Variants in KRT78 observed in about 807,000 individuals in gnomAD.
KRT78 encodes the protein keratin 78, also known as keratin, type II cytoskeletal 78.
KRT78 carries 55 observed loss-of-function variants against 51.4 expected under a neutral mutation model. That is an observed-to-expected ratio of 1.07 (90% confidence interval 0.86 to 1.34). The LOEUF (loss-of-function observed/expected upper bound fraction) is 1.34. Ranked by LOEUF, KRT78 falls within the 40% of genes most tolerant of loss-of-function variation. KRT78 has a pLI of 0.00. For missense variants in KRT78, 652 were observed against 649.4 expected (o/e 1.00, Z -0.04); for synonymous variants, 291 against 264.3 (o/e 1.10, Z -0.98).
chr12:52,845,257 C>A (rs1037744549), intron 4 of KRT78, among the ~76,000 whole-genome samples: 7 of 152,126 alleles, frequency 4.6e-5, no homozygotes, highest in Admixed American at 1.3e-4. Flanking sequence ...CCACCTGCCT[C>A]AGCCTCCCAA....
At chr12:52,848,277 T>G (rs1940695033) in intron 1 of KRT78, 156 bp from the exon 2 acceptor site, 4 of 1,538,710 alleles carry the variant, frequency 2.6e-6, no homozygotes, top group Non-Finnish European at 3.5e-6. Flanking sequence ...TCCATGACAC[T>G]CTGAACACAA....
At position 52,839,959 on chromosome 12, in the gene KRT78, G is replaced by T; in HGVS notation, c.1073C>A (p.Thr358Asn). Residue 358 changes from threonine (T) to asparagine (N), a missense_variant, in exon 7 of 9, where the codon ACT (threonine) becomes AAT (asparagine). Thr to Asn is a moderately conservative substitution (Grantham distance 65). Coordinates refer to ENST00000304620, the MANE Select transcript of KRT78 (RefSeq NM_173352.4). ...KQNASLQAAI[T>N]DAEQRGELAL... Reference sequence around the variant, plus strand: ...CAGCTCCCCACGCTGCTCAGCATCAGTGATGGCGGCCTGCAGGCTGGCGTT... The same window carrying T: ...CAGCTCCCCACGCTGCTCAGCATCATTGATGGCGGCCTGCAGGCTGGCGTT... 1 of 1,613,370 alleles carries T rather than the reference G, an allele frequency of 6.2e-7. No homozygotes were observed. The highest frequency in any genetic ancestry group is 8.5e-7 in the Non-Finnish European group (1 of 1,179,388).
Position 52,848,057 on chromosome 12 carries a change from C to T in KRT78, c.449G>A (p.Gly150Glu), listed in dbSNP as rs767977993. Residue 150 changes from glycine (G) to glutamate (E), a missense_variant, in exon 2 of 9, where the codon GGG becomes GAG. Transcript: ENST00000304620. ...CAGGCCCTGCTGGCTGCCACTCAAC[C>T]CCTGTTGCTGCAGCAGATGCCACTT... is the stretch of plus-strand genomic sequence containing the variant. ...ETKWHLLQQQ[G>E]LSGSQQGLEP... 6.2e-7 allele frequency: 1 copy of T among 1,614,186 alleles called. No individual in the cohort carries two copies. Among genetic ancestry groups the T allele is most frequent in the South Asian group, 1.1e-5 (1 of 91,080 alleles).
rs569720846 is a variant in KRT78 at position 52,838,281 on chromosome 12, C to G, written c.*832G>C. The G allele has an allele frequency of 6.6e-6, 1 of 152,150 alleles. No individual in the cohort carries two copies. Among genetic ancestry groups the G allele is most frequent in the Non-Finnish European group, 1.5e-5 (1 of 68,072 alleles). 9.4% of individuals were successfully genotyped at this position (152,150 alleles called of 1,614,324 possible). On this transcript the variant is annotated 3_prime_UTR_variant, in exon 9 of 9. Coordinates refer to ENST00000304620, the MANE Select transcript of KRT78 (RefSeq NM_173352.4). ...TGATCCTTCCAGCCCCTCCTGGCAC[C>G]CCACCTGATTCCCACACTCCTGGCT...
At chr12:52,842,220 A>T (rs1315052529) in intron 6 of KRT78, among the ~76,000 whole-genome samples, 1 of 152,134 alleles carries the variant, frequency 6.6e-6, no homozygotes, top group Non-Finnish European at 1.5e-5. Flanking sequence ...AAGGGACCAC[A>T]TGTGACTTTT....
chr12:52,839,405 C>T, intron 8 of KRT78, 33 bp from the exon 9 acceptor site: 1 of 1,611,942 alleles, frequency 6.2e-7, no homozygotes, highest in African/African-American at 1.3e-5. Context: ...AGAGCAGGGT[C>T]ATCAGCTCCC....
At chr12:52,844,317 T>C in intron 5 of KRT78, 99 bp from the exon 6 acceptor site, 1 of 1,423,624 alleles carries the variant, frequency 7.0e-7, no homozygotes, top group Non-Finnish European at 9.5e-7. Context: ...TTATTTGGAG[T>C]GTGGGTTAAA....
In KRT78 at chr12:52,839,336, A is replaced by T; in HGVS notation, c.1340T>A (p.Val447Asp). 1.2e-6 allele frequency: 2 copies of T among 1,613,506 alleles called. No homozygotes were observed. The highest frequency in any genetic ancestry group is 1.7e-6 in the Non-Finnish European group (2 of 1,179,840). Residue 447 changes from valine to aspartate, a missense_variant, in exon 9 of 9, where the codon GTT (valine) becomes GAT (aspartate). Val to Asp is a radical substitution (Grantham distance 152). Transcript: ENST00000304620. ...ACAAGTGCTCCCCAAGCCTCCACCA[A>T]CTCCTCCAGACATGACAGCGCTGCC... ...VGGSAVMSGG[V>D]GGGLGSTCGL...
At chr12:52,843,154 G>A (rs1369127598) in intron 6 of KRT78, among the ~76,000 whole-genome samples, 3 of 150,764 alleles carry the variant, frequency 2.0e-5, no homozygotes, top group African/African-American at 7.3e-5. Flanking sequence ...ATCACTTGAG[G>A]TCAGGAGTTT....
intron 6 of KRT78, among the ~76,000 whole-genome samples, chr12:52,841,344 G>T (rs553707775): frequency 6.6e-6 from 1 of 151,832 alleles, no homozygotes; most frequent in African/African-American, 2.4e-5. Flanking sequence ...AAAATTAGCC[G>T]GGCATGGTGG....
chr12:52,846,357 A>G, intron 3 of KRT78, 65 bp from the exon 4 acceptor site: 2 of 1,025,194 alleles, frequency 2.0e-6, no homozygotes, highest in South Asian at 1.3e-5. Context: ...ACTCTGGCTC[A>G]GGAATTCTGT....
At position 52,839,434 on chromosome 12, in the gene KRT78, A is replaced by G; in HGVS notation, c.1303+19T>C. The G allele has an allele frequency of 6.2e-7, 1 of 1,610,414 alleles. No homozygotes were observed. Among genetic ancestry groups the G allele is most frequent in the Non-Finnish European group, 8.5e-7 (1 of 1,178,422 alleles). ...AGCTCCCCATGGGGATCCCATCCCT[A>G]AAGTCCCCTGATACTCACAGATAGT... On this transcript the variant is annotated intron_variant, in intron 8 of 8. Coordinates refer to ENST00000304620, the MANE Select transcript of KRT78 (RefSeq NM_173352.4).
In KRT78 at chr12:52,838,845, C is replaced by G. The variant is rs1940405266; in HGVS notation, c.*268G>C. The G allele has an allele frequency of 7.9e-6, 4 of 507,332 alleles. No individual in the cohort carries two copies. The South Asian group carries it at 9.6e-5, about 12-fold the overall frequency. The allele number at this position is 507,332 out of a possible 1,614,324, so 31.4% of individuals were successfully genotyped here. On this transcript the variant is annotated 3_prime_UTR_variant, in exon 9 of 9. Coordinates refer to ENST00000304620, the MANE Select transcript of KRT78 (RefSeq NM_173352.4). The stretch of plus-strand genomic sequence containing the variant: ...AGTGGCTGGGATGTGGAGTGAGATA[C>G]CAATAGAACACGTCTGGACACAGAT...
At chr12:52,839,600 C>A in intron 7 of KRT78, 113 bp from the exon 8 acceptor site, 4 of 1,315,842 alleles carry the variant, frequency 3.0e-6, no homozygotes, top group Non-Finnish European at 4.2e-6. Flanking sequence ...CAGATAAAAT[C>A]CACAGTCTCC....
intron 6 of KRT78, among the ~76,000 whole-genome samples, chr12:52,842,422 C>T (rs762252848): frequency 9.2e-5 from 14 of 152,142 alleles, no homozygotes; most frequent in African/African-American, 3.1e-4. Flanking sequence ...AAACGGCCTC[C>T]CTCCCCTTGC....
intron 4 of KRT78, among the ~76,000 whole-genome samples, chr12:52,845,327 C>T (rs1018609897): frequency 2.0e-5 from 3 of 152,012 alleles, no homozygotes; most frequent in African/African-American, 7.2e-5. Context: ...TCTTATCATA[C>T]TCCTCTCCCT....
In KRT78 at chr12:52,839,885, T is replaced by A. The variant is rs750921763; in HGVS notation, c.1147A>T (p.Arg383Trp). The A allele has an allele frequency of 6.2e-7, 1 of 1,614,006 alleles. No homozygotes were observed. Residue 383 changes from arginine to tryptophan, a missense_variant, in exon 7 of 9, where the codon AGG becomes TGG. Coordinates refer to ENST00000304620, the MANE Select transcript of KRT78 (RefSeq NM_173352.4). ...AKVDELEAAL[R>W]MAKQNLARLL... ...CGGGCCAGGTTCTGCTTGGCCATCCTCAGAGCAGCCTCCAGCTCGTCCACC... is the reference window on the plus strand; with the variant it reads ...CGGGCCAGGTTCTGCTTGGCCATCCACAGAGCAGCCTCCAGCTCGTCCACC...
chr12:52,839,475 C>A lies in KRT78; in HGVS notation c.1281G>T (p.Glu427Asp), dbSNP rs755830810. The A allele has an allele frequency of 4.4e-5, 70 of 1,601,848 alleles. No individual in the cohort carries two copies. Among genetic ancestry groups the A allele is most frequent in the Non-Finnish European group, 5.7e-5 (67 of 1,174,454 alleles). Residue 427 changes from glutamate to aspartate, a missense_variant, in exon 8 of 9, where the codon GAG (glutamate) becomes GAT (aspartate). Glu to Asp is a conservative substitution (Grantham distance 45). Coordinates refer to ENST00000304620, the MANE Select transcript of KRT78 (RefSeq NM_173352.4). ...LEGEECRMSGECTSQVTISSV... is the reference protein window; with the variant it reads ...LEGEECRMSGDCTSQVTISSV... ...CACAGATAGTGACCTGGCTGGTGCACTCCCCAGACATCCTAGGGGGAAAAG... is the reference window on the plus strand; with the variant it reads ...CACAGATAGTGACCTGGCTGGTGCAATCCCCAGACATCCTAGGGGGAAAAG...
intron 1 of KRT78, 177 bp downstream of exon 1, chr12:52,848,370 C>A (rs1279947261): frequency 1.4e-6 from 2 of 1,409,160 alleles, no homozygotes; most frequent in African/African-American, 1.4e-5. Flanking sequence ...AATCATGGAA[C>A]AACAGGGCCT....
Sources: gnomAD v4.1 joint callset for allele counts (sites outside exome capture counted in the v4.1 genomes callset) on GRCh38, gnomAD v4.1.1 for gene constraint, MANE v1.5 for transcripts, NCBI Gene and HGNC (gene_info 2026-07-23, HGNC 2026-07-21) for gene names.